PEX5: variants seen among roughly 807,000 people sequenced by gnomAD.
PEX5 encodes the protein PTS1 receptor.
In PEX5, 52 loss-of-function variants were observed where a neutral mutation model predicts 82.9. That is an observed-to-expected ratio of 0.63 (90% CI 0.50 to 0.79). The LOEUF (loss-of-function observed/expected upper bound fraction) is 0.79, where lower values mean the gene tolerates loss of function less well. PEX5 is among the 30% of genes least tolerant of loss of function. The pLI, the probability that PEX5 is intolerant of heterozygous loss-of-function variation, is 0.00. For missense variants in PEX5, 719 were observed against 815.2 expected (o/e 0.88, Z 1.44); for synonymous variants, 300 against 318.8 (o/e 0.94, Z 0.63).
intron 5 of PEX5, among the ~76,000 whole-genome samples, chr12:7,197,266 A>G (rs1942759981): frequency 9.2e-6 from 1 of 108,958 alleles, no homozygotes; most frequent in South Asian, 2.9e-4. Flanking sequence ...TAATAATTAT[A>G]TATGTCATAT....
At position 7,202,781 on chromosome 12, in the gene PEX5, G is replaced by T. The variant is rs1944268758; in HGVS notation, c.846+77G>T. ...AGTGAGTGGGTGTATGAACATCAAA[G>T]ATGATGCAAATTGTATTTCATAGTG... On this transcript the variant is annotated intron_variant, in intron 9 of 15. Coordinates refer to ENST00000675855, the MANE Select transcript of PEX5 (RefSeq NM_001351132.2). 18 of 999,876 alleles carry T rather than the reference G, an allele frequency of 1.8e-5. 2 individuals carry two copies. The South Asian group carries it at 2.3e-4, about 13-fold the overall frequency. The allele number at this position is 999,876 out of a possible 1,614,324, so 61.9% of individuals were successfully genotyped here. A position where few individuals can be genotyped will look rare whatever the true frequency, so the allele number is the denominator to read the frequency against.
chr12:7,209,532 C>T (rs1028886358), intron 14 of PEX5, 151 bp from the exon 15 acceptor site: 1 of 173,576 alleles, frequency 5.8e-6, no homozygotes, highest in African/African-American at 6.9e-5. Context: ...ACACACCGAA[C>T]TGTTGAGAAT....
intron 10 of PEX5, among the ~76,000 whole-genome samples, chr12:7,207,239 T>G (rs1219413724): frequency 6.6e-6 from 1 of 152,210 alleles, no homozygotes; most frequent in African/African-American, 2.4e-5. Context: ...CAACATTTCC[T>G]TTATACATCA....
intron 5 of PEX5, among the ~76,000 whole-genome samples, chr12:7,196,356 TTA>T (rs980691722): frequency 7.3e-6 from 1 of 137,450 alleles, no homozygotes; most frequent in South Asian, 2.3e-4. Context: ...TATAATTTAA[TTA>T]TATATGACAT....
At chr12:7,190,293 G>A (rs1940757196) in intron 1 of PEX5, 69 bp from the exon 2 acceptor site, 1 of 1,598,386 alleles carries the variant, frequency 6.3e-7, no homozygotes, top group South Asian at 1.1e-5. Flanking sequence ...CCTCAGATAC[G>A]GGCAGAGTTG....
At position 7,190,415 on chromosome 12, in the gene PEX5, G is replaced by T. The variant is rs1940802625; in HGVS notation, c.38G>T (p.Gly13Val). ...GAGCTGGTGGAGGCCGAATGCGGGG[G>T]TGCCAACCCGCTCATGAAGCTCGCC... is the stretch of plus-strand genomic sequence containing the variant. ...MRELVEAECG[G>V]ANPLMKLAGH... Residue 13 changes from glycine to valine, a missense_variant, in exon 2 of 16, where the codon GGT becomes GTT. Transcript: ENST00000675855. 6.2e-7 allele frequency: 1 copy of T among 1,614,100 alleles called. No individual in the cohort carries two copies. Among genetic ancestry groups the T allele is most frequent in the East Asian group, 2.2e-5 (1 of 44,880 alleles).
At position 7,210,355 on chromosome 12, in the gene PEX5, C is replaced by G. The variant is rs753013794; in HGVS notation, c.*132C>G. On this transcript the variant is annotated 3_prime_UTR_variant, in exon 16 of 16. Transcript: ENST00000675855. ...AGCGGTACGGCCTTTCAGGAGCTGC[C>G]TCAACGTAGGGGTGGGTAGTCTGTG... The G allele has an allele frequency of 2.4e-4, 194 of 800,152 alleles. No homozygotes were observed. Among genetic ancestry groups the G allele is most frequent in the Non-Finnish European group, 3.7e-4 (174 of 466,668 alleles). The allele number at this position is 800,152 out of a possible 1,614,324, so 49.6% of individuals were successfully genotyped here.
At position 7,210,607 on chromosome 12, in the gene PEX5, G is replaced by A. The variant is rs969837737; in HGVS notation, c.*384G>A. 5.6e-5 allele frequency: 20 copies of A among 357,260 alleles called. No homozygotes were observed. Among genetic ancestry groups the A allele is most frequent in the Middle Eastern group, 9.5e-4 (1 of 1,058 alleles). The allele number at this position is 357,260 out of a possible 1,614,324, so 22.1% of individuals were successfully genotyped here. A position where few individuals can be genotyped will look rare whatever the true frequency, so the allele number is the denominator to read the frequency against. The stretch of plus-strand genomic sequence containing the variant: ...CTGTCCTTTCCCCCACTTTTACTGG[G>A]AATTGATAGTCCAGCTTCCTTGGGC... On this transcript the variant is annotated 3_prime_UTR_variant, in exon 16 of 16. Coordinates refer to ENST00000675855, the MANE Select transcript of PEX5 (RefSeq NM_001351132.2).
In PEX5 at chr12:7,208,578, G is replaced by A; in HGVS notation, c.1303G>A (p.Ala435Thr). The A allele has an allele frequency of 6.2e-7, 1 of 1,614,176 alleles. No individual in the cohort carries two copies. The highest frequency in any genetic ancestry group is 8.5e-7 in the Non-Finnish European group (1 of 1,180,016). The change falls in exon 13 of 16, where the codon GCC becomes ACC. Residue 435 changes from alanine (A) to threonine (T), a missense_variant. Physicochemically the swap from Ala to Thr is moderately conservative, Grantham distance 58. Transcript: ENST00000675855. ...ACGAGACTGGCTGCGGTACACACCA[G>A]CCTATGCCCATCTGGTGACACCTGC... ...TLRDWLRYTP[A>T]YAHLVTPAEE...
chr12:7,212,184 C>T (rs928872017), downstream of PEX5, among the ~76,000 whole-genome samples: 3 of 151,668 alleles, frequency 2.0e-5, no homozygotes, highest in Non-Finnish European at 4.4e-5. Context: ...AGGCTGGTCT[C>T]GAACGCCCGA....
chr12:7,215,191 C>T (rs1945743653), downstream of PEX5, among the ~76,000 whole-genome samples: 1 of 151,982 alleles, frequency 6.6e-6, no homozygotes, highest in South Asian at 2.1e-4. Flanking sequence ...AAATCAAAAC[C>T]ACAATGAGAT....
upstream of PEX5, chr12:7,189,505 G>A (rs577096719): frequency 1.2e-5 from 2 of 163,062 alleles, no homozygotes; most frequent in African/African-American, 4.8e-5. Flanking sequence ...GCTCCTAAAG[G>A]CGACTCTCCA....
chr12:7,206,943 TAA>T (rs1253831390), intron 10 of PEX5, among the ~76,000 whole-genome samples: 3 of 152,202 alleles, frequency 2.0e-5, no homozygotes, highest in African/African-American at 7.2e-5. Context: ...CTGCCTAGTG[TAA>T]AATGCCAGTT....
chr12:7,199,098 C>G lies in PEX5; in HGVS notation c.536C>G (p.Thr179Arg). ...CTGTGGCTGGGAGAACCTGAGGGAA[C>G]AGCCACCGATCGCTGGTGAGTTCAG... Reference protein sequence around the residue: ...EKLWLGEPEGTATDRWYDEYH... With the variant: ...EKLWLGEPEGRATDRWYDEYH... Residue 179 changes from threonine (T) to arginine (R), a missense_variant, in exon 6 of 16, where the codon ACA (threonine) becomes AGA (arginine). Thr to Arg is a moderately conservative substitution (Grantham distance 71). Transcript: ENST00000675855. 6.3e-7 allele frequency: 1 copy of G among 1,597,396 alleles called. No homozygotes were observed.
downstream of PEX5, among the ~76,000 whole-genome samples, chr12:7,214,590 T>C (rs1439124532): frequency 7.6e-5 from 10 of 130,830 alleles, no homozygotes; most frequent in African/African-American, 1.4e-4. Context: ...GGGGGAGGGA[T>C]AGCATTAGGA....
chr12:7,209,909 C>G (rs1314784780), intron 15 of PEX5, 69 bp downstream of exon 15: 16 of 1,603,354 alleles, frequency 1.0e-5, no homozygotes, highest in Non-Finnish European at 1.3e-5. Context: ...GCTCCTTATT[C>G]TTAGATCCTG....
intron 5 of PEX5, among the ~76,000 whole-genome samples, chr12:7,194,877 TGTTATAG>T (rs1306592487): frequency 2.0e-5 from 3 of 152,236 alleles, no homozygotes; most frequent in African/African-American, 7.2e-5. Flanking sequence ...TTTCTGCTTT[TGTTATAG>T]GTTTGCCATG....
intron 1 of PEX5, 168 bp from the exon 2 acceptor site, chr12:7,190,194 C>T: frequency 6.5e-7 from 1 of 1,544,024 alleles, no homozygotes; most frequent in Non-Finnish European, 8.7e-7. Flanking sequence ...AGAGTACCGA[C>T]CTCCCTCGAA....
intron 10 of PEX5, 114 bp from the exon 11 acceptor site, chr12:7,207,545 T>G: frequency 2.0e-6 from 2 of 999,884 alleles, no homozygotes; most frequent in Non-Finnish European, 3.2e-6. Flanking sequence ...AGCAATTAAT[T>G]CCGGAACCTG....
Sources: gnomAD v4.1 joint callset for allele counts (sites outside exome capture counted in the v4.1 genomes callset) on GRCh38, gnomAD v4.1.1 for gene constraint, MANE v1.5 for transcripts, NCBI Gene and HGNC (gene_info 2026-07-23, HGNC 2026-07-21) for gene names.